SNX24: variants seen among roughly 807,000 people sequenced by gnomAD.
SNX24 encodes sorting nexin 24.
A neutral mutation model predicts 28.7 loss-of-function variants in SNX24; 22 were observed. That is an observed-to-expected ratio of 0.77 (90% CI 0.55 to 1.10). The LOEUF (loss-of-function observed/expected upper bound fraction) is 1.10, where lower values mean the gene tolerates loss of function less well. Ranked by LOEUF, SNX24 falls within the 50% of genes least tolerant of loss-of-function variation. The pLI is 0.00. For missense variants in SNX24, 221 were observed against 201.1 expected, an observed-to-expected ratio of 1.10 and a Z score of -0.60; for synonymous variants, 69 against 71.5, an observed-to-expected ratio of 0.96 and a Z score of 0.18.
intron 1 of SNX24, among the ~76,000 whole-genome samples, chr5:122,890,790 A>C (rs574276779): frequency 6.6e-6 from 1 of 152,250 alleles, no homozygotes; most frequent in African/African-American, 2.4e-5. Context: ...CTTTTAAAGC[A>C]TGAATTTATA....
downstream of SNX24, among the ~76,000 whole-genome samples, chr5:123,011,572 T>C (rs1762579573): frequency 6.6e-6 from 1 of 152,242 alleles, no homozygotes; most frequent in South Asian, 2.1e-4. Flanking sequence ...TTCATCTCAT[T>C]TGTCAACTTT....
Position 122,924,470 on chromosome 5 carries a change from G to C in SNX24, c.61-12264G>C, listed in dbSNP as rs536176842. On this transcript the variant is annotated intron_variant, in intron 1 of 6. Coordinates refer to ENST00000261369, the MANE Select transcript of SNX24 (RefSeq NM_014035.4). ...AGGGCTCGTGTGCTGGCTGGGACCGGGCAAGACACCGTGGGACAGTGTAAG... is the reference window on the plus strand; with the variant it reads ...AGGGCTCGTGTGCTGGCTGGGACCGCGCAAGACACCGTGGGACAGTGTAAG... Among the ~76,000 whole-genome samples, 61 of 152,214 alleles carry C rather than the reference G, an allele frequency of 4.0e-4. No individual in the cohort carries two copies. The South Asian group carries it at 0.012, about 31-fold the overall frequency.
chr5:122,851,521 C>A (rs1269585189), intron 1 of SNX24, among the ~76,000 whole-genome samples: 1 of 152,138 alleles, frequency 6.6e-6, no homozygotes, highest in Non-Finnish European at 1.5e-5. Flanking sequence ...AGATTCAAGT[C>A]CATTTTAAGT....
At chr5:122,916,881 T>C (rs1758195121) in intron 1 of SNX24, among the ~76,000 whole-genome samples, 1 of 152,224 alleles carries the variant, frequency 6.6e-6, no homozygotes, top group African/African-American at 2.4e-5. Context: ...TTCTGAGCTC[T>C]AGACTGTTCA....
intron 5 of SNX24, among the ~76,000 whole-genome samples, chr5:123,018,551 G>T (rs529373097): frequency 3.3e-5 from 5 of 152,200 alleles, no homozygotes; most frequent in African/African-American, 1.2e-4. Flanking sequence ...AGTTAATGGG[G>T]GTGGAAACGT....
chr5:122,924,012 A>G (rs937291067), intron 1 of SNX24, among the ~76,000 whole-genome samples: 3 of 152,224 alleles, frequency 2.0e-5, no homozygotes, highest in African/African-American at 4.8e-5. Flanking sequence ...GGTGTGTTGA[A>G]GAAATGATGG....
chr5:122,979,069 GC>G (rs34205518), intron 3 of SNX24, among the ~76,000 whole-genome samples: 55,086 of 151,870 alleles, frequency 0.36, 10,718 homozygotes, highest in African/African-American at 0.48. Context: ...TTCTGAAAGA[GC>G]TACGTCTACC....
chr5:122,913,693 C>G (rs1758022666), intron 1 of SNX24, among the ~76,000 whole-genome samples: 1 of 152,176 alleles, frequency 6.6e-6, no homozygotes, highest in Non-Finnish European at 1.5e-5. Flanking sequence ...ACTCTCCTCA[C>G]TTCCTAGATG....
chr5:122,922,065 G>A lies in SNX24; in HGVS notation c.61-14669G>A, dbSNP rs574358374. ...AAGAATGACAGTGATTCATGCTGAG[G>A]CCCGACCTTGTTAGATTCCTAACTG... On this transcript the variant is annotated intron_variant, in intron 1 of 6. Transcript: ENST00000261369. Among the ~76,000 whole-genome samples, 5 of 152,268 alleles carry A rather than the reference G, an allele frequency of 3.3e-5. No individual in the cohort carries two copies. In the South Asian group the frequency reaches 1.0e-3, roughly 32 times the overall value.
At chr5:122,867,343 G>T (rs1755766580) in intron 1 of SNX24, among the ~76,000 whole-genome samples, 1 of 152,226 alleles carries the variant, frequency 6.6e-6, no homozygotes, top group Non-Finnish European at 1.5e-5. Context: ...AGCATTGTGT[G>T]CAGGGAAGGC....
At chr5:122,852,116 ATATC>A (rs1754949060) in intron 1 of SNX24, among the ~76,000 whole-genome samples, 1 of 149,956 alleles carries the variant, frequency 6.7e-6, no homozygotes, top group African/African-American at 2.4e-5. Flanking sequence ...ATATCTATCT[ATATC>A]TATATCTATA....
intron 1 of SNX24, among the ~76,000 whole-genome samples, chr5:122,926,013 TTG>T (rs142461506): frequency 2.0e-5 from 3 of 151,154 alleles, no homozygotes; most frequent in East Asian, 3.9e-4. Context: ...GTGTGTATGT[TTG>T]TGTGTGTGTG....
In SNX24 at chr5:122,871,717, C is replaced by T. The variant is rs192618105; in HGVS notation, c.60+26024C>T. 3.6e-3 allele frequency among the ~76,000 whole-genome samples: 545 copies of T among 152,212 alleles called. 4 individuals carry two copies. The highest frequency in any genetic ancestry group is 0.012 in the African/African-American group (503 of 41,538). On this transcript the variant is annotated intron_variant, in intron 1 of 6. Coordinates refer to ENST00000261369, the MANE Select transcript of SNX24 (RefSeq NM_014035.4). ...CGTGGGAGGCGGAGGTTGCAGTGAG[C>T]GGAGATCACGCCATTGCACTCCAGC...
intron 1 of SNX24, among the ~76,000 whole-genome samples, chr5:122,862,306 A>G (rs1045181499): frequency 1.3e-5 from 2 of 152,098 alleles, no homozygotes; most frequent in South Asian, 4.2e-4. Flanking sequence ...CATCAGGGGT[A>G]CAAGTGACAA....
In SNX24 at chr5:122,869,903, T is replaced by TTC. The variant is rs751799940; in HGVS notation, c.60+24211_60+24212insCT. ...GCATTTCTTAGTGCTATGAGTTTTT[T>TTC]TTTTTTTACTGATGTTGTTTGTACA... On this transcript the variant is annotated intron_variant, in intron 1 of 6. Transcript: ENST00000261369. Among the ~76,000 whole-genome samples the TTC allele has an allele frequency of 5.4e-3, 827 of 151,868 alleles. 3 individuals are homozygous for TTC. Among genetic ancestry groups the TTC allele is most frequent in the Middle Eastern group, 0.01 (3 of 294 alleles).
chr5:122,883,997 G>A (rs1387774865), intron 1 of SNX24, among the ~76,000 whole-genome samples: 1 of 152,140 alleles, frequency 6.6e-6, no homozygotes, highest in Non-Finnish European at 1.5e-5. Context: ...GAGTGGATTG[G>A]TGACTATTTT....
At chr5:122,974,832 A>AT (rs1252295799) in intron 3 of SNX24, among the ~76,000 whole-genome samples, 1 of 152,206 alleles carries the variant, frequency 6.6e-6, no homozygotes, top group Non-Finnish European at 1.5e-5. Context: ...AACGGCTTCC[A>AT]TTCGGCCTTC....
intron 2 of SNX24, among the ~76,000 whole-genome samples, chr5:122,940,247 G>A (rs886839317): frequency 4.6e-5 from 7 of 152,104 alleles, no homozygotes; most frequent in African/African-American, 1.7e-4. Context: ...ACCCACCTCT[G>A]CCTCCCAAAG....
intron 5 of SNX24, chr5:123,023,836 A>ACACACACACC: frequency 1.2e-6 from 2 of 1,602,836 alleles, no homozygotes; most frequent in Non-Finnish European, 1.7e-6. Flanking sequence ...ACACACACAC[A>ACACACACACC]CCCCTGCCAA....
Sources: gnomAD v4.1 joint callset for allele counts (sites outside exome capture counted in the v4.1 genomes callset) on GRCh38, gnomAD v4.1.1 for gene constraint, MANE v1.5 for transcripts, NCBI Gene and HGNC (gene_info 2026-07-23, HGNC 2026-07-21) for gene names.